Variants in NDST3 observed in about 807,000 individuals in gnomAD.
The protein encoded by NDST3 is N-deacetylase and N-sulfotransferase 3, also known as bifunctional heparan sulfate N-deacetylase/N-sulfotransferase 3.
In NDST3, 58 loss-of-function variants were observed where a neutral mutation model predicts 96.1. The ratio of observed to expected loss-of-function variants is 0.60; its 90% CI spans 0.49 to 0.75. NDST3 has a LOEUF of 0.75. Ranked by LOEUF, NDST3 falls within the 30% of genes least tolerant of loss-of-function variation. The probability of loss-of-function intolerance (pLI) is 0.00; values close to 1 mark genes in which losing one functional copy is unlikely to be tolerated. For synonymous variants in NDST3, 333 were observed against 359.7 expected (o/e 0.93, Z 0.84); for missense variants, 788 against 1,034.2 (o/e 0.76, Z 3.27).
chr4:118,240,328 T>G (rs1027602608), intron 10 of NDST3, among the ~76,000 whole-genome samples, 196 bp from the exon 11 acceptor site: 1 of 152,070 alleles, frequency 6.6e-6, no homozygotes, highest in Non-Finnish European at 1.5e-5. Context: ...TCTCAAAAAT[T>G]TACTCCCATA....
intron 12 of NDST3, among the ~76,000 whole-genome samples, chr4:118,251,622 T>C (rs541159869): frequency 6.6e-6 from 1 of 152,182 alleles, no homozygotes; most frequent in African/African-American, 2.4e-5. Flanking sequence ...GATTTATTTC[T>C]GAACTCTTCA....
intron 6 of NDST3, among the ~76,000 whole-genome samples, chr4:118,215,152 T>A (rs1218310934): frequency 6.6e-6 from 1 of 152,094 alleles, no homozygotes; most frequent in African/African-American, 2.4e-5. Flanking sequence ...AATGGTAGTT[T>A]GAGATCTGGG....
chr4:118,172,786 A>C (rs1326810578), intron 6 of NDST3, among the ~76,000 whole-genome samples: 1 of 152,178 alleles, frequency 6.6e-6, no homozygotes, highest in Non-Finnish European at 1.5e-5. Context: ...ATTTATATGA[A>C]TCATACTAAC....
intron 13 of NDST3, among the ~76,000 whole-genome samples, chr4:118,254,209 C>T (rs1039246329): frequency 5.4e-5 from 8 of 147,606 alleles, no homozygotes; most frequent in South Asian, 4.3e-4. Flanking sequence ...TGCACCATTG[C>T]GCTCCAGCCT....
rs1408055515 is a variant in NDST3, at chr4:118,175,443, A to G, written c.1539+31759A>G. ...ATATATTAATAATAATTAGTCATCC[A>G]TCACTAAGTAGTGCCCACATTTACT... On this transcript the variant is annotated intron_variant, in intron 6 of 13. Coordinates refer to ENST00000296499, the MANE Select transcript of NDST3 (RefSeq NM_004784.3). Among the ~76,000 whole-genome samples the G allele has an allele frequency of 3.3e-5, 5 of 152,076 alleles. No homozygotes were observed. In the East Asian group the frequency reaches 7.7e-4, roughly 23 times the overall value.
At chr4:118,130,115 T>G (rs774460377) in intron 4 of NDST3, among the ~76,000 whole-genome samples, 6 of 151,670 alleles carry the variant, frequency 4.0e-5, no homozygotes, top group Non-Finnish European at 4.4e-5. Context: ...CAACAGATCA[T>G]AGAGTCTTGT....
At chr4:118,231,168 T>A (rs916816563) in intron 8 of NDST3, among the ~76,000 whole-genome samples, 2 of 151,916 alleles carry the variant, frequency 1.3e-5, no homozygotes, top group Admixed American at 6.6e-5. Context: ...AAACCCCGTC[T>A]CTACTAAAAA....
chr4:118,229,639 G>A (rs969219625), intron 8 of NDST3, among the ~76,000 whole-genome samples: 2 of 152,072 alleles, frequency 1.3e-5, no homozygotes, highest in African/African-American at 4.8e-5. Context: ...GTCATGAAAG[G>A]CTATTAAAAG....
rs139972610 is a variant in NDST3 at position 118,255,990 on chromosome 4, A to C, written c.*278A>C. 3.2e-5 allele frequency: 7 copies of C among 217,294 alleles called. No individual in the cohort carries two copies. Among genetic ancestry groups the C allele is most frequent in the Non-Finnish European group, 2.7e-5 (3 of 110,570 alleles). The allele number at this position is 217,294 out of a possible 1,614,324, so 13.5% of individuals were successfully genotyped here. A position where few individuals can be genotyped will look rare whatever the true frequency, so the allele number is the denominator to read the frequency against. ...GAAGTCAATTGCAACCAACATAAAT[A>C]TCAAACACAAATGCAGAACTGTTCC... is the stretch of plus-strand genomic sequence containing the variant. On this transcript the variant is annotated 3_prime_UTR_variant, in exon 14 of 14. Coordinates refer to ENST00000296499, the MANE Select transcript of NDST3 (RefSeq NM_004784.3).
intron 6 of NDST3, among the ~76,000 whole-genome samples, chr4:118,196,786 A>G (rs990536062): frequency 1.5e-4 from 23 of 151,800 alleles, no homozygotes; most frequent in Non-Finnish European, 3.4e-4. Context: ...CTTTAAAAAA[A>G]CTTTTCGATT....
intron 6 of NDST3, among the ~76,000 whole-genome samples, chr4:118,195,078 G>A (rs888844703): frequency 6.6e-6 from 1 of 152,190 alleles, no homozygotes. Context: ...CAATGAATAT[G>A]TAGATTGCTT....
intron 2 of NDST3, among the ~76,000 whole-genome samples, chr4:118,086,247 T>C (rs1728408713): frequency 6.6e-6 from 1 of 152,214 alleles, no homozygotes; most frequent in African/African-American, 2.4e-5. Flanking sequence ...AACTTTGGGC[T>C]GTTTTTAATT....
chr4:118,240,742 A>G, intron 11 of NDST3, 48 bp downstream of exon 11: 1 of 1,528,938 alleles, frequency 6.5e-7, no homozygotes, highest in Non-Finnish European at 8.9e-7. Flanking sequence ...CATTAAGTTG[A>G]TGACTTTGCC....
intron 6 of NDST3, among the ~76,000 whole-genome samples, chr4:118,196,487 T>C (rs1737696741): frequency 6.6e-6 from 1 of 152,160 alleles, no homozygotes; most frequent in Non-Finnish European, 1.5e-5. Context: ...GGGCTTTTAT[T>C]TACAGGGAGA....
intron 2 of NDST3, among the ~76,000 whole-genome samples, chr4:118,083,163 G>A (rs868139832): frequency 6.6e-6 from 1 of 152,122 alleles, no homozygotes; most frequent in Admixed American, 6.6e-5. Context: ...TTTTCTTCAT[G>A]AATGTGTATT....
intron 10 of NDST3, among the ~76,000 whole-genome samples, chr4:118,238,033 G>A (rs538538863): frequency 6.6e-6 from 1 of 152,018 alleles, no homozygotes; most frequent in South Asian, 2.1e-4. Context: ...GAAGGCTAAA[G>A]TGGGAGGATT....
At chr4:118,215,386 C>T (rs1208683397) in intron 6 of NDST3, among the ~76,000 whole-genome samples, 4 of 152,018 alleles carry the variant, frequency 2.6e-5, no homozygotes, top group African/African-American at 7.2e-5. Flanking sequence ...ACCAAGTATC[C>T]ATATGTAGCT....
intron 3 of NDST3, among the ~76,000 whole-genome samples, chr4:118,114,404 A>C (rs1339011551): frequency 6.6e-6 from 1 of 152,354 alleles, no homozygotes; most frequent in East Asian, 1.9e-4. Context: ...AGCCCATGTC[A>C]CAATGACCTA....
At chr4:118,172,353 C>A (rs1026070012) in intron 6 of NDST3, among the ~76,000 whole-genome samples, 3 of 151,570 alleles carry the variant, frequency 2.0e-5, no homozygotes, top group Non-Finnish European at 4.4e-5. Flanking sequence ...GGAAAGAGTG[C>A]TAAATAGAGA....
Sources: gnomAD v4.1 joint callset for allele counts (sites outside exome capture counted in the v4.1 genomes callset) on GRCh38, gnomAD v4.1.1 for gene constraint, MANE v1.5 for transcripts, NCBI Gene and HGNC (gene_info 2026-07-23, HGNC 2026-07-21) for gene names.